AGPAT4: variants seen among roughly 807,000 people sequenced by gnomAD.
AGPAT4 encodes the protein 1-acyl-sn-glycerol-3-phosphate acyltransferase delta.
AGPAT4 carries 15 observed loss-of-function variants against 48.0 expected under a neutral mutation model. The ratio of observed to expected loss-of-function variants is 0.31; its 90% confidence interval spans 0.21 to 0.48. AGPAT4 has a LOEUF of 0.48. AGPAT4 is among the 20% of genes least tolerant of loss of function. The pLI is 0.99. For missense variants in AGPAT4, 314 were observed against 482.5 expected, an observed-to-expected ratio of 0.65 and a Z score of 3.27; for synonymous variants, 178 against 198.7, an observed-to-expected ratio of 0.90 and a Z score of 0.88.
At position 161,165,740 on chromosome 6, in the gene AGPAT4, T is replaced by C; in HGVS notation, c.348+508A>G. 2 of 778,730 alleles carry C rather than the reference T, an allele frequency of 2.6e-6. No homozygotes were observed. The highest frequency in any genetic ancestry group is 2.9e-5 in the South Asian group (2 of 70,094). The allele number at this position is 778,730 out of a possible 1,614,324, so 48.2% of individuals were successfully genotyped here. On this transcript the variant is annotated intron_variant, in intron 3 of 8. Transcript: ENST00000320285. This position sits in a 1 kb window ranked among gnomAD's most constrained non-coding sequence, Gnocchi z 5.5. The stretch of plus-strand genomic sequence containing the variant: ...TAGTTGGGAAAAAAAAAAAACAGAA[T>C]TTCAGAATAATTCTGAATTTTGCAG...
intron 1 of AGPAT4, among the ~76,000 whole-genome samples, chr6:161,271,698 G>C (rs1783428640): frequency 6.6e-6 from 1 of 152,176 alleles, no homozygotes; most frequent in Non-Finnish European, 1.5e-5. Context: ...TGGGTTTTTT[G>C]TTGTTTTTGT....
Position 161,232,299 on chromosome 6 carries a change from G to T in AGPAT4, c.-86C>A, listed in dbSNP as rs2115036535. On this transcript the variant is annotated 5_prime_UTR_variant, in exon 2 of 9. Coordinates refer to ENST00000320285, the MANE Select transcript of AGPAT4 (RefSeq NM_020133.3). This position sits in a 1 kb window ranked among gnomAD's most constrained non-coding sequence, Gnocchi z 6.8. Reference sequence around the variant, plus strand: ...GAAGAAAGATCCAGGACTCAGGAAGGCGTCTAAAACACAAACAAATAGGAA... The same window carrying T: ...GAAGAAAGATCCAGGACTCAGGAAGTCGTCTAAAACACAAACAAATAGGAA... 1 of 1,345,330 alleles carries T rather than the reference G, an allele frequency of 7.4e-7. No individual in the cohort carries two copies. Among genetic ancestry groups the T allele is most frequent in the Non-Finnish European group, 1.0e-6 (1 of 992,032 alleles). 83.3% of individuals were successfully genotyped at this position (1,345,330 alleles called of 1,614,324 possible).
At position 161,232,581 on chromosome 6, in the gene AGPAT4, GC is replaced by G. The variant is rs1782149829; in HGVS notation, c.-89-280del. On this transcript the variant is annotated intron_variant, in intron 1 of 8. Coordinates refer to ENST00000320285, the MANE Select transcript of AGPAT4 (RefSeq NM_020133.3). This position sits in a 1 kb window ranked among gnomAD's most constrained non-coding sequence, Gnocchi z 6.8. The stretch of plus-strand genomic sequence containing the variant: ...GAGTCCTGGAAGGTGGAGCCACTCG[GC>G]CAGGGTTCACCGCTCCCCAGCTGGG... Among the ~76,000 whole-genome samples the G allele has an allele frequency of 6.6e-6, 1 of 152,148 alleles. No homozygotes were observed. Among genetic ancestry groups the G allele is most frequent in the African/African-American group, 2.4e-5 (1 of 41,436 alleles).
intron 4 of AGPAT4, among the ~76,000 whole-genome samples, chr6:161,153,856 C>T (rs1475512383): frequency 6.7e-6 from 1 of 149,068 alleles, no homozygotes; most frequent in Non-Finnish European, 1.5e-5. Flanking sequence ...CACATATGGC[C>T]ACATGATCAC....
rs1350461195 is a variant in AGPAT4, at chr6:161,212,242, T to A, written c.178+19794A>T. 2.0e-5 allele frequency among the ~76,000 whole-genome samples: 3 copies of A among 152,228 alleles called. No individual in the cohort carries two copies. In the East Asian group the frequency reaches 5.8e-4, roughly 29 times the overall value. On this transcript the variant is annotated intron_variant, in intron 2 of 8. Coordinates refer to ENST00000320285, the MANE Select transcript of AGPAT4 (RefSeq NM_020133.3). The surrounding 1 kb of genome is among the most constrained non-coding windows in gnomAD (Gnocchi z 6.1). The stretch of plus-strand genomic sequence containing the variant: ...AATTTAAATGACTTTGTGCTATTTT[T>A]ATTAGGGCTTATTGTTTGGAACATT...
rs1349799708 is a variant in AGPAT4 at position 161,218,250 on chromosome 6, G to GA, written c.178+13785dup. Reference sequence around the variant, plus strand: ...TGGCAGGGGAGGCAGTAGGTGGGAGGAAAAAAAGCCCTGATTTATAGTTCT... The same window carrying GA: ...TGGCAGGGGAGGCAGTAGGTGGGAGGAAAAAAAAGCCCTGATTTATAGTTCT... On this transcript the variant is annotated intron_variant, in intron 2 of 8. Transcript: ENST00000320285. This position sits in a 1 kb window ranked among gnomAD's most constrained non-coding sequence, Gnocchi z 4.7. Among the ~76,000 whole-genome samples the GA allele has an allele frequency of 6.6e-6, 1 of 151,812 alleles. No individual in the cohort carries two copies. The highest frequency in any genetic ancestry group is 2.1e-4 in the South Asian group (1 of 4,816).
rs1173220460 is a variant in AGPAT4, at chr6:161,147,297, T to A, written c.768-698A>T. Among the ~76,000 whole-genome samples, 1 of 152,106 alleles carries A rather than the reference T, an allele frequency of 6.6e-6. No homozygotes were observed. The highest frequency in any genetic ancestry group is 1.5e-5 in the Non-Finnish European group (1 of 68,014). On this transcript the variant is annotated intron_variant, in intron 6 of 8. Transcript: ENST00000320285. The surrounding 1 kb of genome is among the most constrained non-coding windows in gnomAD (Gnocchi z 4.8). ...CTGGCAAGGGCTTGCCACTCGATCA[T>A]TTGCAAAGAGCCCATACTGAACACA...
rs1423785837 is a variant in AGPAT4 at position 161,177,641 on chromosome 6, C to T, written c.179-11224G>A. Among the ~76,000 whole-genome samples, 2 of 152,170 alleles carry T rather than the reference C, an allele frequency of 1.3e-5. No individual in the cohort carries two copies. The highest frequency in any genetic ancestry group is 2.9e-5 in the Non-Finnish European group (2 of 68,032). Reference sequence around the variant, plus strand: ...GTTATTACTGATCGTCTGAAGCCTTCTTTTCTCAACATGTCAAAGTCATTC... The same window carrying T: ...GTTATTACTGATCGTCTGAAGCCTTTTTTTCTCAACATGTCAAAGTCATTC... On this transcript the variant is annotated intron_variant, in intron 2 of 8. Coordinates refer to ENST00000320285, the MANE Select transcript of AGPAT4 (RefSeq NM_020133.3). The surrounding 1 kb of genome is among the most constrained non-coding windows in gnomAD (Gnocchi z 5.0).
intron 1 of AGPAT4, among the ~76,000 whole-genome samples, chr6:161,237,713 G>T (rs1438856843): frequency 6.6e-6 from 1 of 152,142 alleles, no homozygotes; most frequent in African/African-American, 2.4e-5. Flanking sequence ...TTGGCAGAAG[G>T]ATTATGGCTG....
rs2115010866 is a variant in AGPAT4, at chr6:161,202,120, T to G, written c.178+29916A>C. ...TCAGGCTGTAGGTACTGGTTATCTA[T>G]TGCTCATAACCAAAATATGATGGCC... On this transcript the variant is annotated intron_variant, in intron 2 of 8. Coordinates refer to ENST00000320285, the MANE Select transcript of AGPAT4 (RefSeq NM_020133.3). The surrounding 1 kb of genome is among the most constrained non-coding windows in gnomAD (Gnocchi z 5.4). 6.6e-6 allele frequency among the ~76,000 whole-genome samples: 1 copy of G among 152,308 alleles called. No individual in the cohort carries two copies. Among genetic ancestry groups the G allele is most frequent in the Admixed American group, 6.5e-5 (1 of 15,298 alleles).
At position 161,255,552 on chromosome 6, in the gene AGPAT4, A is replaced by G. The variant is rs1455639669; in HGVS notation, c.-90+18386T>C. Among the ~76,000 whole-genome samples the G allele has an allele frequency of 2.0e-5, 3 of 152,258 alleles. No individual in the cohort carries two copies. The highest frequency in any genetic ancestry group is 7.2e-5 in the African/African-American group (3 of 41,466). ...ATTCTCCAGCCACAAGAAAGAATAA[A>G]TTAATTACTGATACATGCTACAACA... On this transcript the variant is annotated intron_variant, in intron 1 of 8. Transcript: ENST00000320285. This position sits in a 1 kb window ranked among gnomAD's most constrained non-coding sequence, Gnocchi z 4.7.
In AGPAT4 at chr6:161,195,218, C is replaced by A. The variant is rs535157390; in HGVS notation, c.179-28801G>T. Among the ~76,000 whole-genome samples the A allele has an allele frequency of 2.0e-4, 30 of 152,208 alleles. No individual in the cohort carries two copies. The highest frequency in any genetic ancestry group is 7.2e-4 in the African/African-American group (30 of 41,530). On this transcript the variant is annotated intron_variant, in intron 2 of 8. Coordinates refer to ENST00000320285, the MANE Select transcript of AGPAT4 (RefSeq NM_020133.3). The surrounding 1 kb of genome is among the most constrained non-coding windows in gnomAD (Gnocchi z 5.0). Reference sequence around the variant, plus strand: ...AATTTGAAGCAAATTTCTCATTTAACCGAAAACCAAGATGAAGGATAATTC... The same window carrying A: ...AATTTGAAGCAAATTTCTCATTTAAACGAAAACCAAGATGAAGGATAATTC...
At position 161,149,338 on chromosome 6, in the gene AGPAT4, ATTTTG is replaced by A. The variant is rs1261748699; in HGVS notation, c.665-54_665-50del. 2.0e-6 allele frequency: 3 copies of A among 1,533,966 alleles called. No individual in the cohort carries two copies. Among genetic ancestry groups the A allele is most frequent in the Admixed American group, 2.0e-5 (1 of 49,810 alleles). On this transcript the variant is annotated intron_variant, in intron 5 of 8. Coordinates refer to ENST00000320285, the MANE Select transcript of AGPAT4 (RefSeq NM_020133.3). The surrounding 1 kb of genome is among the most constrained non-coding windows in gnomAD (Gnocchi z 6.5). The stretch of plus-strand genomic sequence containing the variant: ...AAGCAGTATATAGCGTGTGAACCCA[ATTTTG>A]TTCTGTAGATACACACATTGGAAGA...
Position 161,229,506 on chromosome 6 carries a change from T to C in AGPAT4, c.178+2530A>G, listed in dbSNP as rs376395342. Among the ~76,000 whole-genome samples the C allele has an allele frequency of 2.0e-5, 3 of 152,198 alleles. No homozygotes were observed. On this transcript the variant is annotated intron_variant, in intron 2 of 8. Coordinates refer to ENST00000320285, the MANE Select transcript of AGPAT4 (RefSeq NM_020133.3). The surrounding 1 kb of genome is among the most constrained non-coding windows in gnomAD (Gnocchi z 6.0). ...TTACATGGCCTTGGTTACTGTGAAA[T>C]AATTGACAGAGGAAGTCTGTCAATT... is the stretch of plus-strand genomic sequence containing the variant.
chr6:161,244,591 A>G lies in AGPAT4; in HGVS notation c.-89-12289T>C, dbSNP rs1162871600. On this transcript the variant is annotated intron_variant, in intron 1 of 8. Transcript: ENST00000320285. The surrounding 1 kb of genome is among the most constrained non-coding windows in gnomAD (Gnocchi z 4.7). ...CTCCATTATGGCTAAACAAACTCAC[A>G]TTTTGATGCTGTGTGAGCAGACAGG... Among the ~76,000 whole-genome samples the G allele has an allele frequency of 2.0e-5, 3 of 152,116 alleles. No individual in the cohort carries two copies. The highest frequency in any genetic ancestry group is 3.2e-3 in the Middle Eastern group (1 of 316).
Position 161,197,819 on chromosome 6 carries a change from C to A in AGPAT4, c.179-31402G>T, listed in dbSNP as rs16892284. Among the ~76,000 whole-genome samples the A allele has an allele frequency of 2.0e-5, 3 of 152,010 alleles. No individual in the cohort carries two copies. The highest frequency in any genetic ancestry group is 4.4e-5 in the Non-Finnish European group (3 of 68,028). On this transcript the variant is annotated intron_variant, in intron 2 of 8. Coordinates refer to ENST00000320285, the MANE Select transcript of AGPAT4 (RefSeq NM_020133.3). The surrounding 1 kb of genome is among the most constrained non-coding windows in gnomAD (Gnocchi z 5.7). ...GGAGTTCTGGAAATAAAATTACTTA[C>A]GTGGACTCTAGAGGAAATGTCATCA...
At chr6:161,153,931 A>G (rs927928918) in intron 4 of AGPAT4, among the ~76,000 whole-genome samples, 1 of 148,488 alleles carries the variant, frequency 6.7e-6, no homozygotes, top group Non-Finnish European at 1.5e-5. Context: ...ACACGGCCCC[A>G]TGGTCATACA....
chr6:161,237,157 T>C (rs761714085), intron 1 of AGPAT4, among the ~76,000 whole-genome samples: 12 of 152,290 alleles, frequency 7.9e-5, no homozygotes, highest in Admixed American at 2.0e-4. Context: ...GTTTAAAACA[T>C]AGACAAAAAG....
At chr6:161,241,306 T>C (rs1166345799) in intron 1 of AGPAT4, among the ~76,000 whole-genome samples, 1 of 151,358 alleles carries the variant, frequency 6.6e-6, no homozygotes, top group African/African-American at 2.4e-5. Context: ...TCTAATGGTA[T>C]GGCAGAAGCC....
Sources: gnomAD v4.1 joint callset for allele counts (sites outside exome capture counted in the v4.1 genomes callset) on GRCh38, gnomAD v4.1.1 for gene constraint, Gnocchi (gnomAD v3.1) non-coding constraint, MANE v1.5 for transcripts, NCBI Gene and HGNC (gene_info 2026-07-23, HGNC 2026-07-21) for gene names.